RFX3: variants seen among roughly 807,000 people sequenced by gnomAD.
The protein encoded by RFX3 is transcription factor RFX3.
In RFX3, 14 loss-of-function variants were observed where a neutral mutation model predicts 98.6. That is an observed-to-expected ratio of 0.14 (90% CI 0.09 to 0.22). The LOEUF is 0.22. RFX3 is among the 10% of genes least tolerant of loss of function. The pLI is 1.00. For synonymous variants in RFX3, 383 were observed against 328.4 expected (o/e 1.17, Z -1.80); for missense variants, 639 against 926.9 (o/e 0.69, Z 4.03).
chr9:3,485,597 T>C (rs972765209), intron 1 of RFX3, among the ~76,000 whole-genome samples: 2 of 152,224 alleles, frequency 1.3e-5, no homozygotes, highest in East Asian at 1.9e-4. Context: ...TAATACGGAA[T>C]TTGTAATCTC....
rs768000568 is a variant in RFX3 at position 3,221,709 on chromosome 9, C to T, written c.*3333G>A. The T allele has an allele frequency of 4.6e-5, 7 of 152,104 alleles. No individual in the cohort carries two copies. The highest frequency in any genetic ancestry group is 1.0e-4 in the Non-Finnish European group (7 of 67,984). The allele number at this position is 152,104 out of a possible 1,614,324, so 9.4% of individuals were successfully genotyped here. Reference sequence around the variant, plus strand: ...AAGGAGATGGTTCATCCATTCCACCCTATTGTTCACTGGTTTCATGAATGC... The same window carrying T: ...AAGGAGATGGTTCATCCATTCCACCTTATTGTTCACTGGTTTCATGAATGC... On this transcript the variant is annotated 3_prime_UTR_variant, in exon 17 of 17. Coordinates refer to ENST00000617270, the MANE Select transcript of RFX3 (RefSeq NM_001282116.2).
intron 2 of RFX3, among the ~76,000 whole-genome samples, chr9:3,372,184 A>G (rs762851519): frequency 1.3e-5 from 2 of 152,180 alleles, no homozygotes; most frequent in Non-Finnish European, 2.9e-5. Context: ...AATACCAGGA[A>G]ATTAACCACC....
intron 1 of RFX3, among the ~76,000 whole-genome samples, chr9:3,401,797 T>C (rs1286345964): frequency 6.6e-6 from 1 of 152,168 alleles, no homozygotes; most frequent in African/African-American, 2.4e-5. Flanking sequence ...TTCTTCTTTG[T>C]ACAGCCAGCT....
intron 1 of RFX3, among the ~76,000 whole-genome samples, chr9:3,472,365 C>T (rs934923272): frequency 6.6e-6 from 1 of 152,116 alleles, no homozygotes; most frequent in Non-Finnish European, 1.5e-5. Context: ...CAATTTTCCC[C>T]ATCTATAAAA....
chr9:3,524,886 G>A (rs1187484627), intron 1 of RFX3, among the ~76,000 whole-genome samples: 1 of 147,464 alleles, frequency 6.8e-6, no homozygotes, highest in Non-Finnish European at 1.5e-5. Context: ...CACCAAAGAA[G>A]AGAGAGGAGA....
At chr9:3,473,388 A>G (rs1848952182) in intron 1 of RFX3, among the ~76,000 whole-genome samples, 1 of 152,210 alleles carries the variant, frequency 6.6e-6, no homozygotes, top group African/African-American at 2.4e-5. Context: ...CACTAAAAAC[A>G]TATTTCTAAC....
intron 1 of RFX3, among the ~76,000 whole-genome samples, chr9:3,402,489 T>C (rs1841569261): frequency 6.6e-6 from 1 of 151,986 alleles, no homozygotes; most frequent in African/African-American, 2.4e-5. Flanking sequence ...ACATCTAAAA[T>C]GTGACCATAT....
At chr9:3,228,016 G>A (rs1030694567) in intron 16 of RFX3, among the ~76,000 whole-genome samples, 9 of 152,206 alleles carry the variant, frequency 5.9e-5, no homozygotes, top group African/African-American at 1.9e-4. Context: ...TGTACCTGTC[G>A]CCGATAGTCA....
chr9:3,484,193 T>A (rs1850054230), intron 1 of RFX3, among the ~76,000 whole-genome samples: 1 of 152,210 alleles, frequency 6.6e-6, no homozygotes, highest in Admixed American at 6.5e-5. Flanking sequence ...TTCAAACCCT[T>A]TGAATTTCAG....
intron 2 of RFX3, among the ~76,000 whole-genome samples, chr9:3,350,287 T>A (rs1169504803): frequency 1.3e-5 from 2 of 152,130 alleles, no homozygotes; most frequent in Admixed American, 1.3e-4. Flanking sequence ...ATAAACAAGC[T>A]GATTTTAAAA....
intron 4 of RFX3, among the ~76,000 whole-genome samples, chr9:3,304,398 A>G (rs544999106): frequency 6.6e-6 from 1 of 152,058 alleles, no homozygotes; most frequent in South Asian, 2.1e-4. Context: ...GATTACAAAA[A>G]TTTTTCATAA....
intron 1 of RFX3, among the ~76,000 whole-genome samples, chr9:3,521,035 T>C (rs1481221895): frequency 1.3e-5 from 2 of 152,218 alleles, no homozygotes; most frequent in Non-Finnish European, 2.9e-5. Context: ...ATAACCACTA[T>C]TGCCATTTAT....
intron 2 of RFX3, among the ~76,000 whole-genome samples, chr9:3,370,049 G>T (rs373506537): frequency 7.0e-6 from 1 of 143,456 alleles, no homozygotes; most frequent in African/African-American, 2.7e-5. Flanking sequence ...CCCCGTGTTA[G>T]CCAGGATGGT....
intron 1 of RFX3, among the ~76,000 whole-genome samples, chr9:3,442,302 T>C (rs756381773): frequency 1.3e-5 from 2 of 152,042 alleles, no homozygotes; most frequent in Non-Finnish European, 2.9e-5. Flanking sequence ...CGTATATTGA[T>C]ACCATATGAT....
intron 2 of RFX3, among the ~76,000 whole-genome samples, chr9:3,391,247 T>C (rs948089088): frequency 1.3e-5 from 2 of 152,078 alleles, no homozygotes; most frequent in African/African-American, 4.8e-5. Flanking sequence ...ATGAATCTTA[T>C]CAGTTATAGA....
chr9:3,248,669 T>C (rs1202687680), intron 14 of RFX3, among the ~76,000 whole-genome samples: 2 of 152,120 alleles, frequency 1.3e-5, no homozygotes, highest in African/African-American at 4.8e-5. Context: ...TAAGCAATGT[T>C]CCCAGATGTG....
chr9:3,335,863 C>A (rs1490370002), intron 3 of RFX3, among the ~76,000 whole-genome samples: 2 of 152,142 alleles, frequency 1.3e-5, no homozygotes, highest in African/African-American at 4.8e-5. Flanking sequence ...TCCCATCATG[C>A]CTTAGCATAC....
intron 1 of RFX3, among the ~76,000 whole-genome samples, chr9:3,489,208 C>T (rs947441490): frequency 2.0e-5 from 3 of 152,038 alleles, no homozygotes; most frequent in Non-Finnish European, 2.9e-5. Context: ...AATGGGCTGG[C>T]AATTGCATTT....
chr9:3,230,941 G>T (rs185731858), intron 15 of RFX3, among the ~76,000 whole-genome samples: 118 of 152,206 alleles, frequency 7.8e-4, no homozygotes, highest in African/African-American at 2.7e-3. Flanking sequence ...ACTTAACTCC[G>T]AAAACATGAC....
Sources: allele counts gnomAD v4.1 joint callset (sites outside exome capture counted in the v4.1 genomes callset), GRCh38; gene constraint gnomAD v4.1.1; transcripts MANE v1.5; gene names NCBI Gene and HGNC (gene_info 2026-07-23, HGNC 2026-07-21).